STEEP1: variants seen among roughly 807,000 people sequenced by gnomAD.
STEEP1 encodes STING1 ER exit protein 1, also known as STING ER exit protein.
Under a neutral mutation model 19.2 loss-of-function variants are expected in STEEP1, and 3 were observed. The observed-to-expected ratio is 0.16, with a 90% CI of 0.07 to 0.40. STEEP1 has a LOEUF of 0.40. Ranked by LOEUF, STEEP1 falls within the 10% of genes least tolerant of loss-of-function variation. The pLI, the probability that STEEP1 is intolerant of heterozygous loss-of-function variation, is 0.99. For synonymous variants in STEEP1, 46 were observed against 63.7 expected (o/e 0.72, Z 1.32); for missense variants, 54 against 177.1 (o/e 0.30, Z 3.94).
intron 5 of STEEP1, 123 bp from the exon 6 acceptor site, chrX:119,541,543 C>A: frequency 2.2e-6 from 1 of 447,704 alleles, no homozygotes; most frequent in Non-Finnish European, 3.9e-6. Flanking sequence ...GGACTCTGTT[C>A]CTTTTCCATT....
At chrX:119,550,509 C>T (rs373196263) in intron 2 of STEEP1, among the ~76,000 whole-genome samples, 7 of 111,617 alleles carry the variant, frequency 6.3e-5, no homozygotes, top group African/African-American at 2.3e-4. Flanking sequence ...TAGATAGCCA[C>T]ATGCAAAAGG....
chrX:119,542,997 C>CAAAA (rs60574433), intron 4 of STEEP1, among the ~76,000 whole-genome samples: 25 of 47,893 alleles, frequency 5.2e-4, no homozygotes, highest in African/African-American at 1.4e-3. Context: ...CTGGGTCTCG[C>CAAAA]AAAAAAAAAA....
chrX:119,554,274 G>A (rs183771360), intron 2 of STEEP1, among the ~76,000 whole-genome samples: 183 of 111,326 alleles, frequency 1.6e-3, no homozygotes, highest in Middle Eastern at 4.6e-3. Context: ...GTGAAACCCC[G>A]TCTCTACTAA....
intron 2 of STEEP1, among the ~76,000 whole-genome samples, chrX:119,550,523 A>G (rs1388516714): frequency 8.9e-6 from 1 of 112,019 alleles, no homozygotes; most frequent in Admixed American, 9.5e-5. Context: ...CAAAAGGATG[A>G]ATTTAGCCCC....
chrX:119,561,989 C>T (rs2053323398), intron 1 of STEEP1, among the ~76,000 whole-genome samples: 1 of 112,864 alleles, frequency 8.9e-6, no homozygotes, highest in Non-Finnish European at 1.9e-5. Context: ...ATGCTGTTTC[C>T]ACCACACCTC....
rs201339708 is a variant in STEEP1, at chrX:119,542,055, C to CTTTTTTTTTTTTT, written c.513+437_513+449dup. On this transcript the variant is annotated intron_variant, in intron 5 of 6. Coordinates refer to ENST00000644802, the MANE Select transcript of STEEP1 (RefSeq NM_022101.4). ...TCACTGTCAGAGTTTCTTTTCTTTT[C>CTTTTTTTTTTTTT]TTTTTTTTTTTTTTTTTTTTTTTTT... 1.4e-3 allele frequency among the ~76,000 whole-genome samples: 117 copies of CTTTTTTTTTTTTT among 82,911 alleles called. 7 individuals carry two copies. The highest frequency in any genetic ancestry group is 2.2e-3 in the Non-Finnish European group (97 of 43,593). The allele number at this position is 82,911 out of a possible 115,157, so 72.0% of individuals were successfully genotyped here.
At chrX:119,554,500 A>G (rs1024376600) in intron 2 of STEEP1, among the ~76,000 whole-genome samples, 1 of 111,370 alleles carries the variant, frequency 9.0e-6, no homozygotes, top group African/African-American at 3.3e-5. Context: ...GTGGCCCCCA[A>G]TGATCCTTGT....
chrX:119,541,002 C>T (rs1441652878), intron 6 of STEEP1, among the ~76,000 whole-genome samples: 2 of 111,318 alleles, frequency 1.8e-5, no homozygotes, highest in African/African-American at 6.5e-5. Flanking sequence ...GCTGAGACCA[C>T]GCCACGGCAC....
chrX:119,550,814 C>A (rs776608241), intron 2 of STEEP1, among the ~76,000 whole-genome samples: 1 of 111,193 alleles, frequency 9.0e-6, no homozygotes, highest in South Asian at 3.8e-4. Flanking sequence ...AGGTGTGCAC[C>A]ACCACATATG....
intron 3 of STEEP1, 86 bp downstream of exon 3, chrX:119,545,377 G>A (rs2053195704): frequency 1.7e-6 from 1 of 595,543 alleles, no homozygotes; most frequent in South Asian, 2.4e-5. Context: ...AGACATAATG[G>A]AGAGTTGTAT....
chrX:119,560,880 A>G lies in STEEP1; in HGVS notation c.125-495T>C, dbSNP rs1439830972. Among the ~76,000 whole-genome samples, 5 of 110,549 alleles carry G rather than the reference A, an allele frequency of 4.5e-5. No homozygotes were observed. In the Admixed American group the frequency reaches 4.9e-4, roughly 11 times the overall value. On this transcript the variant is annotated intron_variant, in intron 1 of 6. Coordinates refer to ENST00000644802, the MANE Select transcript of STEEP1 (RefSeq NM_022101.4). ...GTGGCATGCACCTATAGTCCCAGCT[A>G]CTCAGAAGAATGAGGCAGGGCGATT...
chrX:119,556,971 C>T (rs1321255813), intron 2 of STEEP1, among the ~76,000 whole-genome samples: 3 of 108,323 alleles, frequency 2.8e-5, no homozygotes, highest in South Asian at 4.1e-4. Flanking sequence ...AGCAGCTTCA[C>T]GTGTTGAAAC....
intron 2 of STEEP1, among the ~76,000 whole-genome samples, chrX:119,558,492 G>A (rs1447094371): frequency 1.8e-5 from 2 of 111,374 alleles, no homozygotes; most frequent in African/African-American, 3.3e-5. Flanking sequence ...AGCCGAGATC[G>A]CGCCACTGTA....
At chrX:119,544,563 C>T (rs1360043816) in intron 3 of STEEP1, 72 bp from the exon 4 acceptor site, 1 of 1,015,549 alleles carries the variant, frequency 9.8e-7, no homozygotes. Flanking sequence ...GCAAAGTGTG[C>T]TTAGACTCTG....
At chrX:119,557,478 C>CAAAAAAAAA (rs55913451) in intron 2 of STEEP1, among the ~76,000 whole-genome samples, 2 of 68,964 alleles carry the variant, frequency 2.9e-5, no homozygotes, top group African/African-American at 1.3e-4. Flanking sequence ...CACACCATCT[C>CAAAAAAAAA]AAAAAAAAAA....
At chrX:119,553,048 G>A (rs2053254138) in intron 2 of STEEP1, among the ~76,000 whole-genome samples, 1 of 109,071 alleles carries the variant, frequency 9.2e-6, no homozygotes, top group Non-Finnish European at 1.9e-5. Flanking sequence ...CAGCTACTCA[G>A]GAGGCTGAGG....
intron 2 of STEEP1, among the ~76,000 whole-genome samples, chrX:119,548,304 G>A (rs965609977): frequency 9.0e-5 from 10 of 111,143 alleles, no homozygotes; most frequent in Admixed American, 2.9e-4. Context: ...GGAGGCCGAG[G>A]CAGGCGGATC....
chrX:119,560,235 G>T, intron 2 of STEEP1, 33 bp downstream of exon 2: 1 of 995,068 alleles, frequency 1.0e-6, no homozygotes, highest in Non-Finnish European at 1.4e-6. Flanking sequence ...AACACAATAG[G>T]GAAATCCTAA....
At position 119,544,527 on chromosome X, in the gene STEEP1, A is replaced by G. The variant is rs200626753; in HGVS notation, c.285-36T>C. The G allele has an allele frequency of 7.6e-4, 903 of 1,186,821 alleles. 1 individual carries two copies. Among genetic ancestry groups the G allele is most frequent in the Non-Finnish European group, 9.6e-4 (839 of 878,470 alleles). On this transcript the variant is annotated intron_variant, in intron 3 of 6. Coordinates refer to ENST00000644802, the MANE Select transcript of STEEP1 (RefSeq NM_022101.4). The stretch of plus-strand genomic sequence containing the variant: ...ACAGTGAATTTCTGCGAGGTCTCAT[A>G]ATCCAAATTCCCAAAACAGCAATTT...
Sources: gnomAD v4.1 joint callset for allele counts (sites outside exome capture counted in the v4.1 genomes callset) on GRCh38, gnomAD v4.1.1 for gene constraint, MANE v1.5 for transcripts, NCBI Gene and HGNC (gene_info 2026-07-23, HGNC 2026-07-21) for gene names.